Variants in LOC128125822 observed in about 807,000 individuals in gnomAD.
the LOC128125822 span, chr6:63,579,086 A>G: frequency 6.8e-7 from 1 of 1,475,514 alleles, no homozygotes; most frequent in East Asian, 2.5e-5. Context: ...GAAAATACAG[A>G]AACTTGAAAA....
chr6:63,580,033 A>ATTTT, the LOC128125822 span: 21 of 1,386,012 alleles, frequency 1.5e-5, no homozygotes, highest in Non-Finnish European at 1.8e-5. Context: ...GCCTTGTTTC[A>ATTTT]TTTTTTTTTT....
the LOC128125822 span, among the ~76,000 whole-genome samples, chr6:63,575,495 C>T: frequency 6.6e-6 from 1 of 152,032 alleles, no homozygotes; most frequent in African/African-American, 2.4e-5. Context: ...TAAGGGGGAA[C>T]TTAGAGAAAA....
chr6:63,575,974 G>GT, the LOC128125822 span, among the ~76,000 whole-genome samples: 1 of 151,826 alleles, frequency 6.6e-6, no homozygotes, highest in Non-Finnish European at 1.5e-5. Flanking sequence ...TCTGGAGTTT[G>GT]TATTAATGTG....
At chr6:63,579,166 TA>T in the LOC128125822 span, 1 of 1,415,686 alleles carries the variant, frequency 7.1e-7, no homozygotes. Flanking sequence ...GGGTGGTAGA[TA>T]ATACTTCTGA....
the LOC128125822 span, chr6:63,572,665 C>T: frequency 9.7e-6 from 4 of 410,398 alleles, no homozygotes; most frequent in Non-Finnish European, 1.7e-5. Flanking sequence ...GTCGCCGCCG[C>T]CTCGGGACCG....
the LOC128125822 span, among the ~76,000 whole-genome samples, chr6:63,574,493 C>CTCAG: frequency 5.3e-5 from 8 of 152,258 alleles, no homozygotes; most frequent in East Asian, 1.5e-3. Flanking sequence ...CCCCCATCCA[C>CTCAG]TAGGTGGCTC....
chr6:63,578,542 C>A, the LOC128125822 span: 7 of 1,608,560 alleles, frequency 4.4e-6, no homozygotes, highest in Non-Finnish European at 5.9e-6. Context: ...AAGTATTTAA[C>A]AGTTCTTATG....
the LOC128125822 span, among the ~76,000 whole-genome samples, chr6:63,576,109 A>G: frequency 2.0e-5 from 3 of 149,964 alleles, no homozygotes; most frequent in Admixed American, 2.0e-4. Flanking sequence ...TAGATAGTAT[A>G]TATACAGAGA....
the LOC128125822 span, among the ~76,000 whole-genome samples, chr6:63,579,558 C>T: frequency 6.6e-6 from 1 of 152,158 alleles, no homozygotes; most frequent in Admixed American, 6.5e-5. Context: ...GCTTTAAATA[C>T]TTGATTGAAT....
chr6:63,574,436 CG>C, the LOC128125822 span, among the ~76,000 whole-genome samples: 1 of 152,030 alleles, frequency 6.6e-6, no homozygotes, highest in Admixed American at 6.6e-5. Context: ...GTGTCTTGGG[CG>C]GAACAGAAAT....
chr6:63,579,995 A>T, the LOC128125822 span: 1 of 1,223,250 alleles, frequency 8.2e-7, no homozygotes, highest in Non-Finnish European at 1.2e-6. Context: ...TGTCTATAAG[A>T]CACTAAATAT....
At chr6:63,572,718 C>T in the LOC128125822 span, 1 of 398,664 alleles carries the variant, frequency 2.5e-6, no homozygotes, top group East Asian at 3.6e-5. Flanking sequence ...AAACATATTC[C>T]TGTGAGTAGC....
chr6:63,577,747 T>C, the LOC128125822 span, among the ~76,000 whole-genome samples: 1 of 151,988 alleles, frequency 6.6e-6, no homozygotes, highest in Non-Finnish European at 1.5e-5. Context: ...AGATGTAGTT[T>C]CACCATATTG....
the LOC128125822 span, chr6:63,578,622 A>G: frequency 1.4e-6 from 2 of 1,468,882 alleles, no homozygotes; most frequent in Non-Finnish European, 9.0e-7. Context: ...TTAAGTCATA[A>G]ATAGACCTCA....
chr6:63,578,447 A>G, the LOC128125822 span: 2 of 1,606,928 alleles, frequency 1.2e-6, no homozygotes, highest in African/African-American at 2.7e-5. Flanking sequence ...GAACTTAAGA[A>G]GTATGGAGTT....
At chr6:63,577,504 A>G in the LOC128125822 span, among the ~76,000 whole-genome samples, 1 of 152,216 alleles carries the variant, frequency 6.6e-6, no homozygotes. Flanking sequence ...TTTTATAAAT[A>G]CCTACAGTTG....
At chr6:63,577,024 A>G in the LOC128125822 span, 1 of 1,493,296 alleles carries the variant, frequency 6.7e-7, no homozygotes, top group Non-Finnish European at 9.3e-7. Flanking sequence ...AATTGATTGC[A>G]ATATAATAGT....
chr6:63,579,064 T>C, the LOC128125822 span: 1 of 1,533,798 alleles, frequency 6.5e-7, no homozygotes, highest in Non-Finnish European at 8.7e-7. Context: ...TAGGTAAAAA[T>C]CTATTGATAA....
chr6:63,576,708 G>C, the LOC128125822 span: 1 of 615,844 alleles, frequency 1.6e-6, no homozygotes, highest in Non-Finnish European at 2.8e-6. Context: ...AAGAATTGCT[G>C]CTTCTTGTTA....
Sources: allele counts gnomAD v4.1 joint callset (sites outside exome capture counted in the v4.1 genomes callset), GRCh38; gene constraint gnomAD v4.1.1; transcripts MANE v1.5.